Variants in BOLL observed in about 807,000 individuals in gnomAD.
The protein encoded by BOLL is boule RNA binding protein.
BOLL carries 23 observed loss-of-function variants against 44.4 expected under a neutral mutation model. The ratio of observed to expected loss-of-function variants is 0.52; its 90% confidence interval spans 0.37 to 0.73. The LOEUF is 0.73. Ranked by LOEUF, BOLL falls within the 30% of genes least tolerant of loss-of-function variation. BOLL has a pLI of 0.00. For synonymous variants in BOLL, 97 were observed against 110.8 expected (o/e 0.88, Z 0.78); for missense variants, 287 against 338.3 (o/e 0.85, Z 1.19).
chr2:197,765,783 T>TA (rs1257234570), intron 7 of BOLL, among the ~76,000 whole-genome samples: 2 of 152,040 alleles, frequency 1.3e-5, no homozygotes, highest in Admixed American at 6.6e-5. Flanking sequence ...AGGAGGTTGT[T>TA]ACACAAATTA....
intron 7 of BOLL, among the ~76,000 whole-genome samples, chr2:197,759,213 G>A (rs1278840463): frequency 3.3e-5 from 5 of 152,126 alleles, no homozygotes; most frequent in Admixed American, 6.5e-5. Flanking sequence ...ATCCAGGAGC[G>A]CAGCATGGAG....
chr2:197,773,947 T>G (rs1465163439), intron 5 of BOLL: 1 of 416,148 alleles, frequency 2.4e-6, no homozygotes, highest in Non-Finnish European at 4.9e-6. Flanking sequence ...AAATGACAGA[T>G]CTAAGAAAAA....
chr2:197,729,702 C>T (rs1422206391), intron 10 of BOLL, among the ~76,000 whole-genome samples: 1 of 152,210 alleles, frequency 6.6e-6, no homozygotes. Context: ...ACCAGGGGCA[C>T]ACTGACACCT....
chr2:197,751,592 C>T (rs532495021), intron 9 of BOLL, among the ~76,000 whole-genome samples: 1 of 152,092 alleles, frequency 6.6e-6, no homozygotes, highest in South Asian at 2.1e-4. Context: ...AATACTAATC[C>T]AGGAAGAAGT....
chr2:197,740,556 G>A (rs978531929), intron 10 of BOLL, among the ~76,000 whole-genome samples: 1 of 152,124 alleles, frequency 6.6e-6, no homozygotes, highest in African/African-American at 2.4e-5. Context: ...GACTAAGGAG[G>A]CATGAACATG....
chr2:197,734,794 C>G (rs918429140), intron 10 of BOLL, among the ~76,000 whole-genome samples: 5 of 152,066 alleles, frequency 3.3e-5, no homozygotes, highest in Admixed American at 2.0e-4. Flanking sequence ...GAATATCACA[C>G]AGAGGGGACT....
At position 197,756,469 on chromosome 2, in the gene BOLL, C is replaced by G; in HGVS notation, c.688G>C (p.Val230Leu). Residue 230 changes from valine to leucine, a missense_variant, in exon 9 of 11, where the codon GTT becomes CTT. Physicochemically the swap from Val to Leu is conservative, Grantham distance 32. Coordinates refer to ENST00000392296, the MANE Select transcript of BOLL (RefSeq NM_033030.6). The part of the protein sequence containing the change: ...PVEIAQDGGC[V>L]PPPLSLMETS... ...TCCATCAGAGACAGTGGAGGAGGAA[C>G]ACATCCACCATCCTGTGCAATTTCC... is the stretch of plus-strand genomic sequence containing the variant. 1 of 1,612,158 alleles carries G rather than the reference C, an allele frequency of 6.2e-7. No individual in the cohort carries two copies. The highest frequency in any genetic ancestry group is 2.2e-5 in the East Asian group (1 of 44,750).
chr2:197,754,528 T>C (rs1406150651), intron 9 of BOLL, among the ~76,000 whole-genome samples: 1 of 151,912 alleles, frequency 6.6e-6, no homozygotes, highest in African/African-American at 2.4e-5. Context: ...GCCAACACGG[T>C]GAAACCCCGT....
chr2:197,731,803 G>T (rs1303463708), intron 10 of BOLL, among the ~76,000 whole-genome samples: 1 of 151,490 alleles, frequency 6.6e-6, no homozygotes, highest in Non-Finnish European at 1.5e-5. Context: ...TCTCTGGGAC[G>T]CATTCAAAGC....
chr2:197,728,658 A>G, intron 10 of BOLL, 80 bp from the exon 11 acceptor site: 1 of 877,754 alleles, frequency 1.1e-6, no homozygotes, highest in East Asian at 2.5e-5. Context: ...AGTACAGACC[A>G]TCAATCAACA....
chr2:197,749,254 A>G (rs1012199688), intron 9 of BOLL, among the ~76,000 whole-genome samples: 2 of 152,226 alleles, frequency 1.3e-5, no homozygotes, highest in Non-Finnish European at 2.9e-5. Flanking sequence ...CAAATATCAA[A>G]GGTAGATAAA....
At position 197,750,244 on chromosome 2, in the gene BOLL, G is replaced by GT. The variant is rs201581037; in HGVS notation, c.729+6183_729+6184insA. Reference sequence around the variant, plus strand: ...CTATAAGGAAACCGCATCAACTAATGGGAAAATAACCAGTTAACATCACAA... The same window carrying GT: ...CTATAAGGAAACCGCATCAACTAATGTGGAAAATAACCAGTTAACATCACAA... On this transcript the variant is annotated intron_variant, in intron 9 of 10. Coordinates refer to ENST00000392296, the MANE Select transcript of BOLL (RefSeq NM_033030.6). Among the ~76,000 whole-genome samples, 1,085 of 152,174 alleles carry GT rather than the reference G, an allele frequency of 7.1e-3. 22 individuals are homozygous for GT. The highest frequency in any genetic ancestry group is 0.024 in the African/African-American group (1,017 of 41,528).
At chr2:197,735,122 A>T (rs1052696155) in intron 10 of BOLL, among the ~76,000 whole-genome samples, 15 of 152,066 alleles carry the variant, frequency 9.9e-5, no homozygotes, top group Admixed American at 2.6e-4. Context: ...AAATTTATTT[A>T]AAAAAATGGA....
intron 6 of BOLL, among the ~76,000 whole-genome samples, chr2:197,767,929 C>T (rs1023523314): frequency 1.3e-5 from 2 of 151,794 alleles, no homozygotes; most frequent in African/African-American, 4.8e-5. Context: ...GTTTTCACTA[C>T]ATCAATACTG....
At chr2:197,764,429 C>G (rs991189998) in intron 7 of BOLL, among the ~76,000 whole-genome samples, 1 of 152,032 alleles carries the variant, frequency 6.6e-6, no homozygotes, top group Non-Finnish European at 1.5e-5. Flanking sequence ...ATGAAATAAG[C>G]CAGGAACAGA....
chr2:197,742,376 G>A (rs1335250189), intron 10 of BOLL, among the ~76,000 whole-genome samples: 1 of 152,258 alleles, frequency 6.6e-6, no homozygotes, highest in East Asian at 1.9e-4. Context: ...TATGTTTATT[G>A]CGGCACTATT....
intron 10 of BOLL, among the ~76,000 whole-genome samples, chr2:197,734,612 T>G (rs558576174): frequency 6.6e-6 from 1 of 152,108 alleles, no homozygotes; most frequent in South Asian, 2.1e-4. Context: ...ATATACACCA[T>G]GGAATACTAT....
intron 10 of BOLL, among the ~76,000 whole-genome samples, chr2:197,737,497 A>G (rs1687548127): frequency 6.6e-6 from 1 of 152,026 alleles, no homozygotes; most frequent in African/African-American, 2.4e-5. Context: ...GAGGCTGTCT[A>G]TTGTTTGACT....
At chr2:197,730,545 G>A (rs1348414425) in intron 10 of BOLL, among the ~76,000 whole-genome samples, 1 of 150,158 alleles carries the variant, frequency 6.7e-6, no homozygotes, top group Non-Finnish European at 1.5e-5. Flanking sequence ...AGGAAAAAAT[G>A]TTGAGGGCAG....
Sources: allele counts gnomAD v4.1 joint callset (sites outside exome capture counted in the v4.1 genomes callset), GRCh38; gene constraint gnomAD v4.1.1; transcripts MANE v1.5; gene names NCBI Gene and HGNC (gene_info 2026-07-23, HGNC 2026-07-21).